Variants in FILIP1L observed in about 807,000 individuals in gnomAD.
FILIP1L encodes the protein filamin A-interacting protein 1-like.
Under a neutral mutation model 96.6 loss-of-function variants are expected in FILIP1L, and 55 were observed. That is an observed-to-expected ratio of 0.57 (90% confidence interval 0.46 to 0.71). The LOEUF is 0.71. FILIP1L is among the 30% of genes least tolerant of loss of function. The pLI, the probability that FILIP1L is intolerant of heterozygous loss-of-function variation, is 0.00. For missense variants in FILIP1L, 1,304 were observed against 1,321.2 expected (o/e 0.99, Z 0.20); for synonymous variants, 467 against 473.9 (o/e 0.99, Z 0.19).
intron 1 of FILIP1L, among the ~76,000 whole-genome samples, chr3:99,954,210 C>G (rs1264269373): frequency 6.6e-6 from 1 of 152,194 alleles, no homozygotes; most frequent in Non-Finnish European, 1.5e-5. Flanking sequence ...AGTCCATGCC[C>G]AACATCACAT....
intron 1 of FILIP1L, among the ~76,000 whole-genome samples, chr3:100,054,819 A>G (rs2065437489): frequency 1.3e-5 from 2 of 152,000 alleles, no homozygotes; most frequent in Admixed American, 1.3e-4. Context: ...CTCTCTCACC[A>G]TCACTGGTGT....
chr3:100,033,715 T>TA (rs1042992030), intron 1 of FILIP1L, among the ~76,000 whole-genome samples: 105 of 151,704 alleles, frequency 6.9e-4, no homozygotes, highest in African/African-American at 7.7e-4. Context: ...GAATTGATTT[T>TA]AAAAAAAAAC....
intron 1 of FILIP1L, among the ~76,000 whole-genome samples, chr3:99,943,578 C>G (rs944045381): frequency 6.6e-5 from 10 of 152,080 alleles, no homozygotes; most frequent in African/African-American, 2.4e-4. Context: ...GTGGCATGCG[C>G]CTGTAGTCCC....
intron 4 of FILIP1L, among the ~76,000 whole-genome samples, chr3:99,854,755 A>T (rs1943875670): frequency 6.6e-6 from 1 of 152,192 alleles, no homozygotes; most frequent in Non-Finnish European, 1.5e-5. Flanking sequence ...TGTGTATGTC[A>T]GTCTGTCAGT....
intron 5 of FILIP1L, among the ~76,000 whole-genome samples, chr3:99,845,287 A>G (rs149898202): frequency 9.1e-4 from 139 of 152,308 alleles, no homozygotes; most frequent in African/African-American, 3.1e-3. Context: ...AATAGAAAAA[A>G]CATGATAAAA....
At chr3:100,087,961 G>C (rs1163538423) in intron 1 of FILIP1L, among the ~76,000 whole-genome samples, 1 of 151,074 alleles carries the variant, frequency 6.6e-6, no homozygotes, top group Non-Finnish European at 1.5e-5. Context: ...CTCTCAAGTA[G>C]CTGGGATTAC....
intron 3 of FILIP1L, among the ~76,000 whole-genome samples, chr3:99,929,629 G>C (rs997454007): frequency 1.3e-5 from 2 of 151,974 alleles, no homozygotes; most frequent in Non-Finnish European, 2.9e-5. Context: ...TCTGGCATTT[G>C]GTAGATTTTG....
Position 99,849,304 on chromosome 3 carries a change from G to A in FILIP1L, c.2372C>T (p.Ser791Phe). The A allele has an allele frequency of 6.2e-7, 1 of 1,614,074 alleles. No individual in the cohort carries two copies. The highest frequency in any genetic ancestry group is 8.5e-7 in the Non-Finnish European group (1 of 1,180,002). The change falls in exon 5 of 6, where the codon TCC (serine) becomes TTC (phenylalanine). Residue 791 changes from serine (S) to phenylalanine (F), a missense_variant. Coordinates refer to ENST00000477258, the MANE Select transcript of FILIP1L (RefSeq NM_001387850.1). ...TTCTTTAGAAAATACTTGAGGATCG[G>A]AAATTCTTCTTCCATTGAGACTAGG... ...LRPSLNGRRI[S>F]DPQVFSKEVQ... is the part of the protein sequence containing the mutation.
intron 1 of FILIP1L, among the ~76,000 whole-genome samples, chr3:99,946,386 A>G (rs1383029092): frequency 6.6e-6 from 1 of 152,244 alleles, no homozygotes; most frequent in African/African-American, 2.4e-5. Context: ...TTTTCATCCT[A>G]GAAAGGGTGT....
chr3:99,872,458 A>G (rs1013265083), intron 4 of FILIP1L, among the ~76,000 whole-genome samples: 2 of 152,062 alleles, frequency 1.3e-5, no homozygotes, highest in African/African-American at 4.8e-5. Flanking sequence ...CCTTTAGGCT[A>G]GAATAAGTAG....
chr3:99,841,682 A>G (rs1381425940), intron 5 of FILIP1L, among the ~76,000 whole-genome samples: 7 of 152,262 alleles, frequency 4.6e-5, no homozygotes, highest in African/African-American at 1.7e-4. Context: ...GGACATGAAT[A>G]GACAATTCTC....
At chr3:100,034,857 A>G (rs1450248333) in intron 1 of FILIP1L, among the ~76,000 whole-genome samples, 2 of 152,156 alleles carry the variant, frequency 1.3e-5, no homozygotes, top group Non-Finnish European at 2.9e-5. Context: ...ACATACGAAT[A>G]TATTTGTTTG....
intron 1 of FILIP1L, among the ~76,000 whole-genome samples, chr3:99,978,508 A>T (rs1398992254): frequency 6.6e-6 from 1 of 152,254 alleles, no homozygotes; most frequent in Non-Finnish European, 1.5e-5. Context: ...CCTGGAGGGC[A>T]TATTGTTAAG....
intron 4 of FILIP1L, among the ~76,000 whole-genome samples, chr3:99,872,076 C>G (rs1944817633): frequency 6.6e-6 from 1 of 152,028 alleles, no homozygotes; most frequent in African/African-American, 2.4e-5. Context: ...CTTCCTAGCA[C>G]TAATTAAGGA....
chr3:99,918,134 C>T (rs1165689283), intron 4 of FILIP1L, among the ~76,000 whole-genome samples: 3 of 152,006 alleles, frequency 2.0e-5, no homozygotes, highest in East Asian at 1.9e-4. Context: ...CGCGGCACCA[C>T]GCCCGGCTAA....
chr3:100,090,392 T>C (rs1347975291), intron 1 of FILIP1L, among the ~76,000 whole-genome samples: 1 of 152,222 alleles, frequency 6.6e-6, no homozygotes, highest in Admixed American at 6.5e-5. Context: ...CTGGTCGTGA[T>C]TTTTCAGGGA....
chr3:99,957,159 G>A (rs1294149193), intron 1 of FILIP1L, among the ~76,000 whole-genome samples: 1 of 152,196 alleles, frequency 6.6e-6, no homozygotes, highest in Admixed American at 6.5e-5. Context: ...AATACTGTAT[G>A]AAGTAGAGGA....
At chr3:100,048,810 G>C (rs923917791) in intron 1 of FILIP1L, among the ~76,000 whole-genome samples, 4 of 151,868 alleles carry the variant, frequency 2.6e-5, no homozygotes, top group African/African-American at 9.7e-5. Context: ...TTTTCTTTCT[G>C]CTTCTAAAAT....
intron 1 of FILIP1L, among the ~76,000 whole-genome samples, chr3:100,078,521 T>G (rs1235750648): frequency 6.6e-6 from 1 of 152,158 alleles, no homozygotes; most frequent in Admixed American, 6.5e-5. Context: ...TTGGCTTCCC[T>G]GGGCCACATT....
Sources: gnomAD v4.1 joint callset for allele counts (sites outside exome capture counted in the v4.1 genomes callset) on GRCh38, gnomAD v4.1.1 for gene constraint, MANE v1.5 for transcripts, NCBI Gene and HGNC (gene_info 2026-07-23, HGNC 2026-07-21) for gene names.